Variants in EML1 observed in about 807,000 individuals in gnomAD.
EML1 encodes the protein EMAP like 1.
Under a neutral mutation model 110.4 loss-of-function variants are expected in EML1, and 27 were observed. The ratio of observed to expected loss-of-function variants is 0.24; its 90% CI spans 0.18 to 0.34. EML1 has a LOEUF of 0.34. Ranked by LOEUF, EML1 falls within the 10% of genes least tolerant of loss-of-function variation. EML1 has a pLI of 1.00. For synonymous variants in EML1, 344 were observed against 385.8 expected, an observed-to-expected ratio of 0.89 and a Z score of 1.27; for missense variants, 741 against 1,030.9, an observed-to-expected ratio of 0.72 and a Z score of 3.85.
chr14:99,926,103 G>C (rs1235619228), intron 17 of EML1, among the ~76,000 whole-genome samples: 1 of 152,154 alleles, frequency 6.6e-6, no homozygotes, highest in Non-Finnish European at 1.5e-5. Flanking sequence ...AAGTTGAGAA[G>C]ATTTTCAAAT....
At chr14:99,897,329 A>C in intron 7 of EML1, 35 bp downstream of exon 7, 1 of 1,562,288 alleles carries the variant, frequency 6.4e-7, no homozygotes, top group South Asian at 1.2e-5. Flanking sequence ...TGCGACTCAG[A>C]AGGCGAAGGT....
chr14:99,754,118 GC>G (rs2057215781), intron 1 of EML1, among the ~76,000 whole-genome samples: 1 of 152,234 alleles, frequency 6.6e-6, no homozygotes, highest in African/African-American at 2.4e-5. Flanking sequence ...AGCTGCAGTT[GC>G]TGATCTCTAA....
At chr14:99,846,007 G>A (rs1337768185) in intron 1 of EML1, among the ~76,000 whole-genome samples, 6 of 144,344 alleles carry the variant, frequency 4.2e-5, no homozygotes, top group South Asian at 4.4e-4. Flanking sequence ...CTGAGATCAC[G>A]CCACTGCACT....
chr14:99,924,634 TTATTA>T (rs1295730901), intron 17 of EML1, among the ~76,000 whole-genome samples: 9 of 152,344 alleles, frequency 5.9e-5, no homozygotes, highest in East Asian at 1.9e-4. Flanking sequence ...TGTTTCAGTC[TTATTA>T]TATTATATTA....
intron 1 of EML1, among the ~76,000 whole-genome samples, chr14:99,826,105 A>ATTTTTTTTTTTTTTTTTTTTTTTTTTT (rs71113225): frequency 2.5e-5 from 2 of 79,968 alleles, no homozygotes; most frequent in African/African-American, 1.0e-4. Context: ...CTGTGCATTG[A>ATTTTTTTTTTTTTTTTTTTTTTTTTTT]TTTTTTTTTT....
intron 13 of EML1, among the ~76,000 whole-genome samples, chr14:99,913,031 A>G (rs2059970979): frequency 6.6e-6 from 1 of 152,116 alleles, no homozygotes; most frequent in Non-Finnish European, 1.5e-5. Context: ...ATCATAGCAA[A>G]TTGTTCTTAA....
intron 1 of EML1, among the ~76,000 whole-genome samples, chr14:99,806,415 C>A (rs556965000): frequency 4.1e-5 from 6 of 147,024 alleles, no homozygotes; most frequent in African/African-American, 1.5e-4. Context: ...CTCCCGGGTT[C>A]AAGCGATTCT....
chr14:99,824,268 C>T lies in EML1; in HGVS notation c.68-26585C>T, dbSNP rs865953749. On this transcript the variant is annotated intron_variant, in intron 1 of 21. Transcript: ENST00000262233. ...AGCCACCACGCCCGGCTCCATGCATCACCTCTAATCCTCATTCTCCTCTAT... is the reference window on the plus strand; with the variant it reads ...AGCCACCACGCCCGGCTCCATGCATTACCTCTAATCCTCATTCTCCTCTAT... 8.5e-5 allele frequency among the ~76,000 whole-genome samples: 13 copies of T among 152,322 alleles called. 1 individual carries two copies. In the South Asian group the frequency reaches 2.7e-3, roughly 32 times the overall value.
At chr14:99,768,734 T>TC (rs1360161813), upstream of EML1, among the ~76,000 whole-genome samples, 2 of 149,942 alleles carry the variant, frequency 1.3e-5, no homozygotes, top group Non-Finnish European at 3.0e-5. Context: ...TTTTTTTTTT[T>TC]CTCAGATGGA....
At position 99,841,339 on chromosome 14, in the gene EML1, G is replaced by A. The variant is rs145675322; in HGVS notation, c.68-9514G>A. ...ACAAAACAGGAATATTCATAACAAT[G>A]GATTCTAGTAAGGCTCAAGTACCAT... On this transcript the variant is annotated intron_variant, in intron 1 of 21. Transcript: ENST00000262233. 5.3e-5 allele frequency among the ~76,000 whole-genome samples: 8 copies of A among 152,254 alleles called. No individual in the cohort carries two copies. In the East Asian group the frequency reaches 5.8e-4, roughly 11 times the overall value.
chr14:99,871,521 A>G (rs1035502131), intron 3 of EML1, among the ~76,000 whole-genome samples: 1 of 151,998 alleles, frequency 6.6e-6, no homozygotes, highest in East Asian at 1.9e-4. Context: ...TCAAAGGAAA[A>G]AAAAAAAAAA....
At chr14:99,878,352 G>T in intron 3 of EML1, 133 bp from the exon 4 acceptor site, 1 of 1,348,052 alleles carries the variant, frequency 7.4e-7, no homozygotes, top group Non-Finnish European at 1.0e-6. Context: ...AAAGCTTTTT[G>T]ATCTCCGTTG....
intron 10 of EML1, 46 bp from the exon 11 acceptor site, chr14:99,909,299 G>A (rs761925339): frequency 6.2e-6 from 10 of 1,613,472 alleles, no homozygotes; most frequent in Middle Eastern, 1.6e-4. Flanking sequence ...TGTCTCTTAC[G>A]CGTCTTAAGA....
At chr14:99,759,143 G>A (rs919941524) in intron 1 of EML1, among the ~76,000 whole-genome samples, 2 of 152,228 alleles carry the variant, frequency 1.3e-5, no homozygotes, top group African/African-American at 4.8e-5. Context: ...CACTGGGCTG[G>A]TAGTCAGGGT....
upstream of EML1, among the ~76,000 whole-genome samples, chr14:99,771,061 G>A (rs555456345): frequency 6.6e-6 from 1 of 152,238 alleles, no homozygotes; most frequent in Admixed American, 6.5e-5. Context: ...TGGGATTACA[G>A]GCGTGAGCCA....
At chr14:99,929,301 T>A (rs918117885) in intron 17 of EML1, among the ~76,000 whole-genome samples, 6 of 152,146 alleles carry the variant, frequency 3.9e-5, no homozygotes, top group African/African-American at 1.2e-4. Flanking sequence ...GACAGTGAGT[T>A]ACCATGAGGC....
At chr14:99,760,930 C>T in intron 1 of EML1, among the ~76,000 whole-genome samples, 1 of 152,134 alleles carries the variant, frequency 6.6e-6, no homozygotes, top group Non-Finnish European at 1.5e-5. Context: ...ACCACAGAGA[C>T]AACCAAGGCC....
chr14:99,923,759 T>C (rs1166320318), intron 17 of EML1, among the ~76,000 whole-genome samples: 1 of 151,200 alleles, frequency 6.6e-6, no homozygotes, highest in Non-Finnish European at 1.5e-5. Context: ...TTTAGGTTCC[T>C]ACTATATGTA....
intron 1 of EML1, among the ~76,000 whole-genome samples, chr14:99,766,194 CTTTT>C (rs34008528): frequency 7.7e-6 from 1 of 129,866 alleles, no homozygotes. Context: ...TAAACTTTTA[CTTTT>C]TTTTTTTTTT....
Sources: allele counts gnomAD v4.1 joint callset (sites outside exome capture counted in the v4.1 genomes callset), GRCh38; gene constraint gnomAD v4.1.1; transcripts MANE v1.5; gene names NCBI Gene and HGNC (gene_info 2026-07-23, HGNC 2026-07-21).